KDM4B: variants seen among roughly 807,000 people sequenced by gnomAD.
KDM4B encodes the protein lysine-specific demethylase 4B.
A neutral mutation model predicts 125.2 loss-of-function variants in KDM4B; 32 were observed. The ratio of observed to expected loss-of-function variants is 0.26; its 90% CI spans 0.19 to 0.34. KDM4B has a LOEUF of 0.34. Ranked by LOEUF, KDM4B falls within the 10% of genes least tolerant of loss-of-function variation. The probability of loss-of-function intolerance (pLI) is 1.00; values close to 1 mark genes in which losing one functional copy is unlikely to be tolerated. For missense variants in KDM4B, 1,190 were observed against 1,577.7 expected, an observed-to-expected ratio of 0.75 and a Z score of 4.16; for synonymous variants, 721 against 677.9, an observed-to-expected ratio of 1.06 and a Z score of -0.99.
At position 5,153,046 on chromosome 19, in the gene KDM4B, CAAA is replaced by C. The variant is rs59905127; in HGVS notation, c.*1547_*1549del. On this transcript the variant is annotated 3_prime_UTR_variant, in exon 23 of 23. Transcript: ENST00000159111. ...GGGCAACAGAGCGAGACCCTGTCTC[CAAA>C]AAAAAAAAAAAGCAATGTTTATATT... 7 of 96,998 alleles carry C rather than the reference CAAA, an allele frequency of 7.2e-5. No homozygotes were observed. The highest frequency in any genetic ancestry group is 6.6e-5 in the Non-Finnish European group (3 of 45,418). The allele number at this position is 96,998 out of a possible 1,614,324, so 6.0% of individuals were successfully genotyped here.
At chr19:5,049,108 G>A (rs566661814) in intron 6 of KDM4B, among the ~76,000 whole-genome samples, 2 of 152,288 alleles carry the variant, frequency 1.3e-5, no homozygotes, top group Non-Finnish European at 2.9e-5. Flanking sequence ...CTGCTGCTAG[G>A]TCAGAGGGGC....
At position 4,993,812 on chromosome 19, in the gene KDM4B, A is replaced by G. The variant is rs114490115; in HGVS notation, c.-108-22445A>G. On this transcript the variant is annotated intron_variant, in intron 1 of 22. Transcript: ENST00000159111. The stretch of plus-strand genomic sequence containing the variant: ...ATTTTAACAGAGGTGAGGTCTTACT[A>G]TGTTGCCCAGGCTGGTGTCAAACTC... Among the ~76,000 whole-genome samples the G allele has an allele frequency of 7.9e-3, 1,206 of 151,944 alleles. 12 individuals are homozygous for G. The highest frequency in any genetic ancestry group is 0.026 in the African/African-American group (1,079 of 41,456).
chr19:5,054,955 C>T lies in KDM4B; in HGVS notation c.626+7286C>T, dbSNP rs185381186. On this transcript the variant is annotated intron_variant, in intron 6 of 22. Coordinates refer to ENST00000159111, the MANE Select transcript of KDM4B (RefSeq NM_015015.3). The stretch of plus-strand genomic sequence containing the variant: ...ACTGAGCACCAGAAGCTGGCTTTGG[C>T]GTTCAAAAAATTAACTCGTGATGCT... Among the ~76,000 whole-genome samples the T allele has an allele frequency of 4.2e-3, 646 of 152,316 alleles. 4 individuals carry two copies. Among genetic ancestry groups the T allele is most frequent in the Non-Finnish European group, 6.7e-3 (453 of 68,030 alleles).
intron 9 of KDM4B, among the ~76,000 whole-genome samples, chr19:5,084,512 A>T (rs1458444763): frequency 2.9e-5 from 2 of 69,848 alleles, no homozygotes; most frequent in Admixed American, 3.8e-4. Context: ...TATTATATAT[A>T]AATATAAATT....
chr19:5,104,234 T>G (rs1289000724), intron 9 of KDM4B, among the ~76,000 whole-genome samples: 1 of 152,216 alleles, frequency 6.6e-6, no homozygotes, highest in Non-Finnish European at 1.5e-5. Context: ...CCTGGGCACC[T>G]GCCCCTTTCT....
At chr19:5,151,174 G>A (rs891225492) in intron 22 of KDM4B, among the ~76,000 whole-genome samples, 161 bp from the exon 23 acceptor site, 1 of 152,210 alleles carries the variant, frequency 6.6e-6, no homozygotes, top group Admixed American at 6.5e-5. Context: ...CTGCTGGCAG[G>A]ATCAGGGGTT....
At position 5,071,088 on chromosome 19, in the gene KDM4B, AC is replaced by A. The variant is rs762729820; in HGVS notation, c.676+31del. 10 of 1,606,828 alleles carry A rather than the reference AC, an allele frequency of 6.2e-6. No homozygotes were observed. In the East Asian group the frequency reaches 2.2e-4, roughly 36 times the overall value. On this transcript the variant is annotated intron_variant, in intron 7 of 22. Coordinates refer to ENST00000159111, the MANE Select transcript of KDM4B (RefSeq NM_015015.3). ...GGTGCCTGCCCTGAGGGCCCCAGGGACCTGGGACCAGGTGGGAGGGGCCTGT... is the reference window on the plus strand; with the variant it reads ...GGTGCCTGCCCTGAGGGCCCCAGGGACTGGGACCAGGTGGGAGGGGCCTGT...
At chr19:5,146,503 C>T (rs1007261183) in intron 21 of KDM4B, among the ~76,000 whole-genome samples, 1 of 152,248 alleles carries the variant, frequency 6.6e-6, no homozygotes, top group Non-Finnish European at 1.5e-5. Flanking sequence ...CAGGCAGCTC[C>T]TTGGACTTCC....
intron 15 of KDM4B, 46 bp downstream of exon 15, chr19:5,135,607 G>T: frequency 2.0e-6 from 3 of 1,486,782 alleles, no homozygotes; most frequent in South Asian, 1.2e-5. Context: ...CTCCTTCAGG[G>T]TGTTGGTGGG....
At chr19:4,989,704 G>A (rs903751471) in intron 1 of KDM4B, among the ~76,000 whole-genome samples, 1 of 151,834 alleles carries the variant, frequency 6.6e-6, no homozygotes, top group African/African-American at 2.4e-5. Context: ...CCAGGCTGGA[G>A]TGCAAGGGCA....
At chr19:5,136,823 C>G (rs982928793) in intron 15 of KDM4B, among the ~76,000 whole-genome samples, 1 of 152,222 alleles carries the variant, frequency 6.6e-6, no homozygotes, top group Admixed American at 6.5e-5. Context: ...ATGATTCGGC[C>G]TTTTGTGCCC....
chr19:5,127,428 C>A (rs144801949), intron 11 of KDM4B, among the ~76,000 whole-genome samples: 44 of 152,330 alleles, frequency 2.9e-4, no homozygotes, highest in African/African-American at 1.0e-3. Flanking sequence ...CCGGGCTTCA[C>A]TGAGCCTGGG....
intron 1 of KDM4B, among the ~76,000 whole-genome samples, chr19:5,011,666 C>G (rs907192583): frequency 2.0e-5 from 3 of 152,242 alleles, no homozygotes; most frequent in Admixed American, 1.3e-4. Flanking sequence ...TCCCTTCTTT[C>G]TGGTTCAGAG....
Position 5,082,552 on chromosome 19 carries a change from C to T in KDM4B, c.918+48C>T. 1 of 1,530,000 alleles carries T rather than the reference C, an allele frequency of 6.5e-7. No individual in the cohort carries two copies. Among genetic ancestry groups the T allele is most frequent in the Non-Finnish European group, 8.7e-7 (1 of 1,143,818 alleles). 94.8% of individuals were successfully genotyped at this position (1,530,000 alleles called of 1,614,324 possible). On this transcript the variant is annotated intron_variant, in intron 9 of 22. Transcript: ENST00000159111. The surrounding 1 kb of genome is among the most constrained non-coding windows in gnomAD (Gnocchi z 5.4). ...CGGGTCCCAGCAGGGCGGGAGGAGG[C>T]TCTTTTTTGCCTCTGCAGCCACACG...
intron 7 of KDM4B, among the ~76,000 whole-genome samples, chr19:5,071,481 G>C (rs976092068): frequency 1.3e-5 from 2 of 152,240 alleles, no homozygotes; most frequent in Non-Finnish European, 2.9e-5. Flanking sequence ...TTACCTGCGG[G>C]GGAGCAGACA....
chr19:5,101,718 G>A (rs1171246740), intron 9 of KDM4B, among the ~76,000 whole-genome samples: 2 of 151,474 alleles, frequency 1.3e-5, no homozygotes, highest in Non-Finnish European at 1.5e-5. Context: ...GGGGAGATCC[G>A]GGTGGGCTGT....
rs1204125258 is a variant in KDM4B, at chr19:5,144,764, C to T, written c.2902-19C>T. 1 of 1,613,392 alleles carries T rather than the reference C, an allele frequency of 6.2e-7. No individual in the cohort carries two copies. The highest frequency in any genetic ancestry group is 1.7e-5 in the Admixed American group (1 of 60,008). ...CGTAGTGTGGCCAGGACCTCACCTC[C>T]CACCTCTTCTCCCTGCAGAGTAGGG... On this transcript the variant is annotated intron_variant, in intron 20 of 22. Coordinates refer to ENST00000159111, the MANE Select transcript of KDM4B (RefSeq NM_015015.3).
chr19:5,143,975 G>A lies in KDM4B; in HGVS notation c.2559G>A (p.Val853=). ...TGTGTCCCCATCCCCAGAAATGCGTGTACTGCCGGAAGCGGATGAAGAAGG... is the reference window on the plus strand; with the variant it reads ...TGTGTCCCCATCCCCAGAAATGCGTATACTGCCGGAAGCGGATGAAGAAGG... ...IPEQRWKLKC[V]YCRKRMKKVS... The change falls in exon 19 of 23, where the codon GTG becomes GTA. Residue 853 remains valine (V), a synonymous_variant. Coordinates refer to ENST00000159111, the MANE Select transcript of KDM4B (RefSeq NM_015015.3). The A allele has an allele frequency of 6.3e-7, 1 of 1,581,654 alleles. No homozygotes were observed.
chr19:5,106,346 G>A (rs1184532073), intron 9 of KDM4B, among the ~76,000 whole-genome samples: 1 of 152,158 alleles, frequency 6.6e-6, no homozygotes, highest in Non-Finnish European at 1.5e-5. Context: ...AGGCGAGATC[G>A]CTAGCAGGGG....
Sources: allele counts gnomAD v4.1 joint callset (sites outside exome capture counted in the v4.1 genomes callset), GRCh38; gene constraint gnomAD v4.1.1; non-coding constraint Gnocchi (gnomAD v3.1); transcripts MANE v1.5; gene names NCBI Gene and HGNC (gene_info 2026-07-23, HGNC 2026-07-21).